WDR49: variants seen among roughly 807,000 people sequenced by gnomAD.
The protein encoded by WDR49 is cilia- and flagella-associated protein 337.
Under a neutral mutation model 119.5 loss-of-function variants are expected in WDR49, and 107 were observed. The ratio of observed to expected loss-of-function variants is 0.90; its 90% CI spans 0.77 to 1.05. WDR49 has a LOEUF of 1.05. WDR49 is among the 50% of genes least tolerant of loss of function. The pLI, the probability that WDR49 is intolerant of heterozygous loss-of-function variation, is 0.00. For missense variants in WDR49, 1,240 were observed against 1,220.5 expected (o/e 1.02, Z -0.24); for synonymous variants, 425 against 418.8 (o/e 1.01, Z -0.18).
At chr3:167,554,157 T>C (rs1355191300) in intron 10 of WDR49, among the ~76,000 whole-genome samples, 1 of 152,118 alleles carries the variant, frequency 6.6e-6, no homozygotes, top group East Asian at 1.9e-4. Flanking sequence ...GTAATTTTCC[T>C]TCTAATGAAA....
chr3:167,531,223 C>T lies in WDR49; in HGVS notation c.2110G>A (p.Ala704Thr). 6.2e-7 allele frequency: 1 copy of T among 1,611,516 alleles called. No individual in the cohort carries two copies. The change falls in exon 13 of 19, where the codon GCA becomes ACA. Residue 704 changes from alanine to threonine, a missense_variant. By Grantham distance (58) the Ala-to-Thr change is moderately conservative. Coordinates refer to ENST00000682715, the MANE Select transcript of WDR49 (RefSeq NM_001366157.1). ...AGRSQPSHPM[A>T]DHSTTGVRNF... Reference sequence around the variant, plus strand: ...CGGACTCCCGTGGTAGAATGGTCTGCCATGGGGTGGGAGGGTTGGCTTCTC... The same window carrying T: ...CGGACTCCCGTGGTAGAATGGTCTGTCATGGGGTGGGAGGGTTGGCTTCTC...
At chr3:167,651,952 C>T (rs1424987930) in intron 2 of WDR49, among the ~76,000 whole-genome samples, 1 of 152,034 alleles carries the variant, frequency 6.6e-6, no homozygotes, top group Non-Finnish European at 1.5e-5. Flanking sequence ...TTCTTAGCAC[C>T]GGAACAAAAC....
chr3:167,626,404 C>T (rs755937366), intron 3 of WDR49, among the ~76,000 whole-genome samples: 4 of 152,042 alleles, frequency 2.6e-5, no homozygotes, highest in African/African-American at 9.7e-5. Flanking sequence ...ATTTTACTTA[C>T]AGTATGTTAT....
At chr3:167,636,474 G>A (rs974658805) in intron 2 of WDR49, among the ~76,000 whole-genome samples, 1 of 150,108 alleles carries the variant, frequency 6.7e-6, no homozygotes, top group African/African-American at 2.4e-5. Flanking sequence ...ATATCTTTTT[G>A]GTATAATGAC....
intron 16 of WDR49, among the ~76,000 whole-genome samples, chr3:167,510,871 C>A (rs1447878931): frequency 6.9e-6 from 1 of 145,742 alleles, no homozygotes; most frequent in Non-Finnish European, 1.5e-5. Context: ...CATACCCCCA[C>A]CTGCATATAT....
rs569057920 is a variant in WDR49, at chr3:167,544,296, C to A, written c.1824-7296G>T. ...ATGAAAATACCATCATCATTCTTCA[C>A]AGAATTAGAAAAAACAAACCTAAAA... is the stretch of plus-strand genomic sequence containing the variant. On this transcript the variant is annotated intron_variant, in intron 10 of 18. Coordinates refer to ENST00000682715, the MANE Select transcript of WDR49 (RefSeq NM_001366157.1). Among the ~76,000 whole-genome samples the A allele has an allele frequency of 2.0e-3, 310 of 152,066 alleles. 8 individuals are homozygous for A. The highest frequency in any genetic ancestry group is 2.5e-3 in the Non-Finnish European group (168 of 67,936).
chr3:167,628,151 T>C (rs1244272776), intron 2 of WDR49, among the ~76,000 whole-genome samples: 3 of 152,032 alleles, frequency 2.0e-5, no homozygotes, highest in Non-Finnish European at 2.9e-5. Flanking sequence ...CATTCTGCTT[T>C]CCCTCTCCCT....
chr3:167,540,743 T>G (rs1225849115), intron 10 of WDR49, among the ~76,000 whole-genome samples: 2 of 152,032 alleles, frequency 1.3e-5, no homozygotes, highest in African/African-American at 4.8e-5. Flanking sequence ...AGGCAGATTA[T>G]TAAGCTACTC....
chr3:167,586,715 G>A (rs112371574), intron 7 of WDR49, among the ~76,000 whole-genome samples: 2,745 of 152,230 alleles, frequency 0.018, 77 homozygotes, highest in African/African-American at 0.059. Context: ...CTGAGATCAC[G>A]ATGCATTTAT....
chr3:167,605,831 G>A (rs1373509664), intron 5 of WDR49, among the ~76,000 whole-genome samples: 3 of 152,134 alleles, frequency 2.0e-5, no homozygotes, highest in Non-Finnish European at 4.4e-5. Flanking sequence ...TCAGTGATTT[G>A]CCAAAGTCAG....
At chr3:167,515,011 G>A (rs1752146330) in intron 16 of WDR49, among the ~76,000 whole-genome samples, 1 of 152,020 alleles carries the variant, frequency 6.6e-6, no homozygotes. Context: ...AACCAAAAAA[G>A]CCAAGGACCA....
intron 16 of WDR49, among the ~76,000 whole-genome samples, chr3:167,518,434 T>C (rs1357460230): frequency 6.6e-6 from 1 of 152,150 alleles, no homozygotes; most frequent in African/African-American, 2.4e-5. Context: ...TTCTAACTGG[T>C]GTGAGATCAT....
intron 5 of WDR49, among the ~76,000 whole-genome samples, chr3:167,619,805 C>T (rs971510970): frequency 8.6e-5 from 13 of 152,004 alleles, no homozygotes; most frequent in Non-Finnish European, 1.3e-4. Flanking sequence ...ATCTGAATCT[C>T]GAACCATCAG....
chr3:167,644,971 G>A (rs1330111487), intron 2 of WDR49, among the ~76,000 whole-genome samples: 1 of 151,738 alleles, frequency 6.6e-6, no homozygotes, highest in African/African-American at 2.4e-5. Flanking sequence ...ATTCTTTCTT[G>A]AATACATAAA....
intron 6 of WDR49, 53 bp downstream of exon 6, chr3:167,604,248 C>G: frequency 6.3e-7 from 1 of 1,590,786 alleles, no homozygotes; most frequent in Non-Finnish European, 8.6e-7. Flanking sequence ...TACAAATATA[C>G]ATCCCAGACT....
chr3:167,629,198 G>T (rs1717259163), intron 2 of WDR49, among the ~76,000 whole-genome samples: 1 of 152,086 alleles, frequency 6.6e-6, no homozygotes, highest in Admixed American at 6.6e-5. Flanking sequence ...GCTGCAGTGA[G>T]CTATGATTGT....
At chr3:167,655,035 C>A (rs1024262523), upstream of WDR49, among the ~76,000 whole-genome samples, 15 of 152,062 alleles carry the variant, frequency 9.9e-5, no homozygotes, top group Non-Finnish European at 4.4e-5. Flanking sequence ...GAAGACATAC[C>A]TGAGACTGGG....
intron 7 of WDR49, among the ~76,000 whole-genome samples, chr3:167,589,596 C>T (rs1715002942): frequency 6.6e-6 from 1 of 151,734 alleles, no homozygotes; most frequent in Admixed American, 6.6e-5. Context: ...ATTTTTGTAG[C>T]TTCTTCAATG....
chr3:167,595,231 A>G (rs1486148687), intron 7 of WDR49, among the ~76,000 whole-genome samples: 1 of 152,244 alleles, frequency 6.6e-6, no homozygotes, highest in African/African-American at 2.4e-5. Context: ...ATACAAACAA[A>G]TGGAAGAATA....
Sources: allele counts gnomAD v4.1 joint callset (sites outside exome capture counted in the v4.1 genomes callset), GRCh38; gene constraint gnomAD v4.1.1; transcripts MANE v1.5; gene names NCBI Gene and HGNC (gene_info 2026-07-23, HGNC 2026-07-21).